The following RBFOX1 variants were observed in gnomAD, a reference collection of about 807,000 sequenced individuals.
RBFOX1 encodes the protein RNA binding fox-1 homolog 1.
A neutral mutation model predicts 57.7 loss-of-function variants in RBFOX1; 8 were observed. The ratio of observed to expected loss-of-function variants is 0.14; its 90% CI spans 0.08 to 0.25. RBFOX1 has a LOEUF of 0.25. Among genes scored for constraint, RBFOX1 ranks in the 10% least tolerant of loss-of-function variants. The pLI is 1.00. For synonymous variants in RBFOX1, 326 were observed against 222.4 expected, an observed-to-expected ratio of 1.47 and a Z score of -4.15; for missense variants, 611 against 548.5, an observed-to-expected ratio of 1.11 and a Z score of -1.14.
intron 3 of RBFOX1, among the ~76,000 whole-genome samples, chr16:6,958,369 T>G (rs1209152921): frequency 6.6e-6 from 1 of 152,134 alleles, no homozygotes; most frequent in East Asian, 1.9e-4. Flanking sequence ...CACCCACCAT[T>G]AGAAAAGAGA....
intron 3 of RBFOX1, among the ~76,000 whole-genome samples, chr16:7,007,434 C>G (rs1470473808): frequency 6.6e-6 from 1 of 152,126 alleles, no homozygotes; most frequent in Non-Finnish European, 1.5e-5. Context: ...CCAGAGTCAT[C>G]TCCGTATTTT....
chr16:5,645,412 G>A (rs1311199364), intron 3 of RBFOX1, among the ~76,000 whole-genome samples: 1 of 152,186 alleles, frequency 6.6e-6, no homozygotes, highest in Non-Finnish European at 1.5e-5. Context: ...AGAGGTTTAG[G>A]AGAGCTGGGA....
intron 3 of RBFOX1, among the ~76,000 whole-genome samples, chr16:5,782,798 C>T (rs1458273706): frequency 6.6e-6 from 1 of 152,148 alleles, no homozygotes; most frequent in Non-Finnish European, 1.5e-5. Flanking sequence ...AGTCAAAAGA[C>T]CCAAACCAGG....
chr16:7,015,207 G>C (rs921968360), intron 3 of RBFOX1, among the ~76,000 whole-genome samples: 6 of 152,150 alleles, frequency 3.9e-5, no homozygotes, highest in African/African-American at 1.4e-4. Context: ...GATGCATCCA[G>C]TGGCATTGTG....
chr16:6,997,243 G>C (rs893922230), intron 3 of RBFOX1, among the ~76,000 whole-genome samples: 9 of 152,110 alleles, frequency 5.9e-5, no homozygotes, highest in Admixed American at 2.0e-4. Context: ...GAAGACTAGA[G>C]TGATTTGACT....
intron 4 of RBFOX1, among the ~76,000 whole-genome samples, chr16:7,193,132 C>A (rs558449505): frequency 1.8e-4 from 28 of 152,268 alleles, no homozygotes; most frequent in Admixed American, 1.4e-3. Flanking sequence ...TTGAGATAGG[C>A]GCATTATCCT....
At chr16:7,116,536 G>A (rs1183810335) in intron 4 of RBFOX1, among the ~76,000 whole-genome samples, 2 of 152,092 alleles carry the variant, frequency 1.3e-5, no homozygotes, top group Non-Finnish European at 2.9e-5. Flanking sequence ...CTCTGCTCCA[G>A]CTTACTGTAT....
chr16:6,791,985 C>G (rs74859314), intron 3 of RBFOX1, among the ~76,000 whole-genome samples: 4,732 of 152,224 alleles, frequency 0.031, 216 homozygotes, highest in African/African-American at 0.1. Context: ...GATTTATAGT[C>G]TGACTTTGAA....
chr16:7,448,118 G>A (rs532991676), intron 4 of RBFOX1, among the ~76,000 whole-genome samples: 12 of 152,220 alleles, frequency 7.9e-5, no homozygotes, highest in Non-Finnish European at 1.5e-4. Flanking sequence ...AGACTCAAAG[G>A]ATGAATGGCA....
At chr16:6,836,466 C>A (rs561561774) in intron 3 of RBFOX1, among the ~76,000 whole-genome samples, 2 of 152,318 alleles carry the variant, frequency 1.3e-5, no homozygotes, top group East Asian at 3.9e-4. Context: ...TAGCTCTGTG[C>A]AGAGGTATCT....
At chr16:6,072,469 A>G (rs62017377) in intron 1 of RBFOX1, among the ~76,000 whole-genome samples, 1 of 152,164 alleles carries the variant, frequency 6.6e-6, no homozygotes, top group Non-Finnish European at 1.5e-5. Flanking sequence ...ATGTACCCAG[A>G]AGTCGGATTG....
chr16:7,420,638 T>TAGC (rs1442920489), intron 4 of RBFOX1, among the ~76,000 whole-genome samples: 1 of 152,030 alleles, frequency 6.6e-6, no homozygotes, highest in East Asian at 1.9e-4. Context: ...TTAGTGAAAT[T>TAGC]TGTTTTTCAT....
intron 3 of RBFOX1, among the ~76,000 whole-genome samples, chr16:6,998,659 G>T (rs1003844162): frequency 3.3e-5 from 5 of 152,042 alleles, no homozygotes; most frequent in African/African-American, 1.2e-4. Flanking sequence ...CACATTTTGT[G>T]TTCCTTTCCC....
intron 1 of RBFOX1, among the ~76,000 whole-genome samples, chr16:6,193,975 T>C (rs2097163829): frequency 6.6e-6 from 1 of 152,232 alleles, no homozygotes; most frequent in Non-Finnish European, 1.5e-5. Flanking sequence ...TGTTTTCTCA[T>C]GGGTGACCTA....
intron 4 of RBFOX1, among the ~76,000 whole-genome samples, chr16:7,512,100 A>G (rs2075251385): frequency 6.6e-6 from 1 of 152,116 alleles, no homozygotes; most frequent in Admixed American, 6.5e-5. Flanking sequence ...CATTCCACTT[A>G]TTTAGGGAAA....
intron 2 of RBFOX1, among the ~76,000 whole-genome samples, chr16:6,401,526 A>G (rs1332368498): frequency 6.6e-6 from 1 of 152,188 alleles, no homozygotes; most frequent in East Asian, 1.9e-4. Flanking sequence ...ATTTGGATTT[A>G]TAGGACTTTG....
chr16:5,373,762 C>G (rs1397121597), intron 1 of RBFOX1, among the ~76,000 whole-genome samples: 1 of 151,762 alleles, frequency 6.6e-6, no homozygotes, highest in East Asian at 1.9e-4. Context: ...GACCACCACA[C>G]CCAGCTAATT....
chr16:7,448,847 A>G (rs902590199), intron 4 of RBFOX1, among the ~76,000 whole-genome samples: 4 of 151,428 alleles, frequency 2.6e-5, no homozygotes, highest in East Asian at 1.9e-4. Context: ...TTAATCCGGT[A>G]TAATCTCATC....
At chr16:5,647,264 C>T (rs2049084853) in intron 3 of RBFOX1, among the ~76,000 whole-genome samples, 1 of 152,178 alleles carries the variant, frequency 6.6e-6, no homozygotes, top group Admixed American at 6.5e-5. Context: ...CACCCAGGGC[C>T]ATGGAGCTTG....
Sources: allele counts gnomAD v4.1 joint callset (sites outside exome capture counted in the v4.1 genomes callset), GRCh38; gene constraint gnomAD v4.1.1; transcripts MANE v1.5; gene names NCBI Gene and HGNC (gene_info 2026-07-23, HGNC 2026-07-21).